Variants in PTPRT observed in about 807,000 individuals in gnomAD.
PTPRT encodes receptor-type tyrosine-protein phosphatase T.
PTPRT carries 56 observed loss-of-function variants against 176.8 expected under a neutral mutation model. The ratio of observed to expected loss-of-function variants is 0.32; its 90% CI spans 0.26 to 0.40. PTPRT has a LOEUF of 0.40. Ranked by LOEUF, PTPRT falls within the 10% of genes least tolerant of loss-of-function variation. The pLI is 1.00. For missense variants in PTPRT, 1,540 were observed against 1,908.2 expected (o/e 0.81, Z 3.60); for synonymous variants, 783 against 739.0 (o/e 1.06, Z -0.96).
intron 9 of PTPRT, among the ~76,000 whole-genome samples, chr20:42,430,948 C>T (rs1300819072): frequency 6.6e-6 from 1 of 152,036 alleles, no homozygotes. Context: ...GATCTATGTG[C>T]AGTGCAATTT....
In PTPRT at chr20:42,529,527, C is replaced by T. The variant is rs904171595; in HGVS notation, c.1154-56965G>A. On this transcript the variant is annotated intron_variant, in intron 7 of 30. Coordinates refer to ENST00000373187, the MANE Select transcript of PTPRT (RefSeq NM_007050.6). Reference sequence around the variant, plus strand: ...TTGGAGATGGAGTCTCACTCTGCTGCCCCGGCTGGAGTACACTGGCATGAT... The same window carrying T: ...TTGGAGATGGAGTCTCACTCTGCTGTCCCGGCTGGAGTACACTGGCATGAT... Among the ~76,000 whole-genome samples, 4 of 152,116 alleles carry T rather than the reference C, an allele frequency of 2.6e-5. No individual in the cohort carries two copies. The South Asian group carries it at 8.3e-4, about 31-fold the overall frequency.
intron 17 of PTPRT, 103 bp from the exon 18 acceptor site, chr20:42,142,105 C>T: frequency 2.1e-6 from 2 of 933,748 alleles, no homozygotes; most frequent in South Asian, 2.7e-5. Context: ...GATGGGACTC[C>T]TAGTGGAAAG....
rs766169026 is a variant in PTPRT at position 42,791,293 on chromosome 20, G to C, written c.388C>G (p.Pro130Ala). Residue 130 changes from proline (P) to alanine (A), a missense_variant, in exon 3 of 31, where the codon CCC (proline) becomes GCC (alanine). Around this residue, in one of 11 missense-constraint regions of PTPRT, gnomAD observed 273 missense variants for 432.1 expected, o/e 0.63. Transcript: ENST00000373187. ...ACATTCCACACAGGGTTCCCTTGGG[G>C]GCCACCATTCACCTTCACGTAGACG... ...LNVYVKVNGG[P>A]QGNPVWNVSG... 1 of 1,614,192 alleles carries C rather than the reference G, an allele frequency of 6.2e-7. No homozygotes were observed. Among genetic ancestry groups the C allele is most frequent in the Non-Finnish European group, 8.5e-7 (1 of 1,180,022 alleles).
At chr20:42,739,555 A>G (rs1363714466) in intron 6 of PTPRT, among the ~76,000 whole-genome samples, 1 of 152,094 alleles carries the variant, frequency 6.6e-6, no homozygotes, top group African/African-American at 2.4e-5. Context: ...AGAAAGAAAG[A>G]TGGGGAAGTG....
intron 13 of PTPRT, among the ~76,000 whole-genome samples, chr20:42,261,496 T>A (rs957222593): frequency 1.3e-5 from 2 of 152,084 alleles, no homozygotes; most frequent in Non-Finnish European, 2.9e-5. Context: ...CAGGTGAAGC[T>A]GAGTCATGAC....
chr20:43,092,956 A>G (rs1390913284), intron 1 of PTPRT, among the ~76,000 whole-genome samples: 1 of 152,220 alleles, frequency 6.6e-6, no homozygotes, highest in African/African-American at 2.4e-5. Flanking sequence ...CAAGTTTAGA[A>G]AAGTTAACAC....
rs538056101 is a variant in PTPRT, at chr20:42,194,111, G to A, written c.2491+5129C>T. Among the ~76,000 whole-genome samples, 80 of 152,264 alleles carry A rather than the reference G, an allele frequency of 5.3e-4. 1 individual carries two copies. The highest frequency in any genetic ancestry group is 1.6e-3 in the African/African-American group (67 of 41,542). ...TAAGGAACTATTGCTGCAGTGGAGCGTTTTGCAGAAAGACTTCGTAAACTA... is the reference window on the plus strand; with the variant it reads ...TAAGGAACTATTGCTGCAGTGGAGCATTTTGCAGAAAGACTTCGTAAACTA... On this transcript the variant is annotated intron_variant, in intron 16 of 30. Coordinates refer to ENST00000373187, the MANE Select transcript of PTPRT (RefSeq NM_007050.6).
At chr20:42,855,205 A>G (rs1305479410) in intron 2 of PTPRT, among the ~76,000 whole-genome samples, 1 of 152,204 alleles carries the variant, frequency 6.6e-6, no homozygotes, top group Admixed American at 6.5e-5. Context: ...ATAATCACAC[A>G]GCATGGTATA....
chr20:42,593,641 A>G (rs1937957388), intron 7 of PTPRT, among the ~76,000 whole-genome samples: 1 of 152,186 alleles, frequency 6.6e-6, no homozygotes, highest in Non-Finnish European at 1.5e-5. Flanking sequence ...TTGGAATCAC[A>G]TTAAGATTAA....
chr20:43,003,889 C>T (rs1378469751), intron 1 of PTPRT, among the ~76,000 whole-genome samples: 1 of 151,956 alleles, frequency 6.6e-6, no homozygotes, highest in South Asian at 2.1e-4. Flanking sequence ...ACTCAAAAGT[C>T]CAAGTTGAAA....
rs1363289605 is a variant in PTPRT, at chr20:43,162,769, C to T, written c.88+26877G>A. Among the ~76,000 whole-genome samples, 3 of 126,704 alleles carry T rather than the reference C, an allele frequency of 2.4e-5. 1 individual carries two copies. Among genetic ancestry groups the T allele is most frequent in the Admixed American group, 1.7e-4 (2 of 11,556 alleles). 83.1% of individuals were successfully genotyped at this position (126,704 alleles called of 152,430 possible). A position where few individuals can be genotyped will look rare whatever the true frequency, so the allele number is the denominator to read the frequency against. On this transcript the variant is annotated intron_variant, in intron 1 of 30. Transcript: ENST00000373187. ...AAGGGTTTGGCTTTTCATGATGACC[C>T]GCTGGACAGCAGCTTGGCTCAGGCT... is the stretch of plus-strand genomic sequence containing the variant.
intron 1 of PTPRT, among the ~76,000 whole-genome samples, chr20:43,131,807 G>A (rs940324694): frequency 2.0e-5 from 3 of 152,028 alleles, no homozygotes; most frequent in Non-Finnish European, 2.9e-5. Context: ...TTAAAATAAC[G>A]CATCATGCTT....
intron 2 of PTPRT, among the ~76,000 whole-genome samples, chr20:42,840,341 CA>C (rs1355051560): frequency 6.6e-6 from 1 of 152,108 alleles, no homozygotes; most frequent in Non-Finnish European, 1.5e-5. Context: ...ACGGTATTTC[CA>C]AATAAGGTCA....
At chr20:42,645,340 G>A (rs1471420651) in intron 7 of PTPRT, among the ~76,000 whole-genome samples, 1 of 152,160 alleles carries the variant, frequency 6.6e-6, no homozygotes, top group East Asian at 1.9e-4. Flanking sequence ...AATGTCGGCT[G>A]GGAATGGGTG....
intron 15 of PTPRT, among the ~76,000 whole-genome samples, chr20:42,225,476 A>C (rs1009208208): frequency 6.6e-6 from 1 of 152,108 alleles, no homozygotes; most frequent in Non-Finnish European, 1.5e-5. Context: ...ATAGGATTCA[A>C]ACTTTCTCCC....
intron 1 of PTPRT, among the ~76,000 whole-genome samples, chr20:43,104,324 A>G (rs183496201): frequency 8.2e-4 from 124 of 151,940 alleles, no homozygotes; most frequent in Non-Finnish European, 1.6e-3. Context: ...CTGCTTCCCG[A>G]ACCCCCAGTG....
Position 42,190,729 on chromosome 20 carries a change from T to G in PTPRT, c.2491+8511A>C, listed in dbSNP as rs182647453. Among the ~76,000 whole-genome samples, 4 of 152,188 alleles carry G rather than the reference T, an allele frequency of 2.6e-5. No homozygotes were observed. In the South Asian group the frequency reaches 6.2e-4, roughly 24 times the overall value. On this transcript the variant is annotated intron_variant, in intron 16 of 30. Transcript: ENST00000373187. The stretch of plus-strand genomic sequence containing the variant: ...GCTGATGCTGCTGTTCTGGAGATCA[T>G]GCTTCAAGAACCACTGCTTTGAGCA...
chr20:43,065,244 T>G (rs960897848), intron 1 of PTPRT, among the ~76,000 whole-genome samples: 1 of 152,210 alleles, frequency 6.6e-6, no homozygotes, highest in East Asian at 1.9e-4. Context: ...CCAATATAGA[T>G]TCACAGATCT....
chr20:43,125,517 G>A (rs1166418910), intron 1 of PTPRT, among the ~76,000 whole-genome samples: 1 of 152,178 alleles, frequency 6.6e-6, no homozygotes, highest in African/African-American at 2.4e-5. Flanking sequence ...TAGCTAGACT[G>A]GACGTTAGCA....
Sources: gnomAD v4.1 joint callset for allele counts (sites outside exome capture counted in the v4.1 genomes callset) on GRCh38, gnomAD v4.1.1 for gene constraint, gnomAD v4.1.1 regional missense constraint, MANE v1.5 for transcripts, NCBI Gene and HGNC (gene_info 2026-07-23, HGNC 2026-07-21) for gene names.